The following PSMC2 variants were observed in gnomAD, a reference collection of about 807,000 sequenced individuals.
PSMC2 encodes the protein proteasome 26S subunit, ATPase 2, also known as 26S proteasome regulatory subunit 7.
PSMC2 carries 7 observed loss-of-function variants against 53.3 expected under a neutral mutation model. That is an observed-to-expected ratio of 0.13 (90% CI 0.07 to 0.25). The LOEUF (loss-of-function observed/expected upper bound fraction) is 0.25, where lower values mean the gene tolerates loss of function less well. Ranked by LOEUF, PSMC2 falls within the 10% of genes least tolerant of loss-of-function variation. PSMC2 has a pLI of 1.00. For missense variants in PSMC2, 241 were observed against 544.0 expected, an observed-to-expected ratio of 0.44 and a Z score of 5.54; for synonymous variants, 169 against 183.9, an observed-to-expected ratio of 0.92 and a Z score of 0.66.
chr7:103,361,921 G>T (rs1820436885), intron 4 of PSMC2, 36 bp from the exon 5 acceptor site: 6 of 1,580,600 alleles, frequency 3.8e-6, no homozygotes, highest in Non-Finnish European at 5.1e-6. Flanking sequence ...TAGTGGCTTA[G>T]GTTCCTTATT....
chr7:103,365,572 T>G (rs919139602), intron 8 of PSMC2, among the ~76,000 whole-genome samples: 2 of 152,156 alleles, frequency 1.3e-5, no homozygotes, highest in Admixed American at 6.5e-5. Context: ...AAGGTTGCAC[T>G]GAGCCAAGAT....
intron 3 of PSMC2, 54 bp from the exon 4 acceptor site, chr7:103,355,637 CTTA>C (rs1159079222): frequency 7.6e-7 from 1 of 1,317,394 alleles, no homozygotes; most frequent in Non-Finnish European, 1.1e-6. Context: ...GTTTAGAAAG[CTTA>C]TTATAGGGTG....
intron 2 of PSMC2, 103 bp from the exon 3 acceptor site, chr7:103,354,765 A>G (rs1417290340): frequency 2.8e-6 from 2 of 712,332 alleles, no homozygotes; most frequent in Admixed American, 5.0e-5. Flanking sequence ...GCTTTGGGAT[A>G]ATGATAGCTA....
chr7:103,368,952 GT>G lies in PSMC2; in HGVS notation c.*899del, dbSNP rs1455610007. 9.9e-5 allele frequency: 15 copies of G among 152,068 alleles called. No individual in the cohort carries two copies. The highest frequency in any genetic ancestry group is 3.6e-4 in the African/African-American group (15 of 41,414). 9.4% of individuals were successfully genotyped at this position (152,068 alleles called of 1,614,324 possible). A position where few individuals can be genotyped will look rare whatever the true frequency, so the allele number is the denominator to read the frequency against. On this transcript the variant is annotated 3_prime_UTR_variant, in exon 12 of 12. Coordinates refer to ENST00000292644, the MANE Select transcript of PSMC2 (RefSeq NM_002803.4). ...ACATCTCTTTAAAATTACCTCCTGTGTAACCACCACCAAATCCTATCTTCTA... is the reference window on the plus strand; with the variant it reads ...ACATCTCTTTAAAATTACCTCCTGTGAACCACCACCAAATCCTATCTTCTA...
chr7:103,361,947 G>T lies in PSMC2; in HGVS notation c.291-10G>T. 1 of 1,591,814 alleles carries T rather than the reference G, an allele frequency of 6.3e-7. No homozygotes were observed. Among genetic ancestry groups the T allele is most frequent in the African/African-American group, 1.4e-5 (1 of 73,308 alleles). ...GTTCCTTATTCTAATCAAGCTTTTT[G>T]CTGTGTTAGGTGTACAAAGATAATC... On this transcript the variant is annotated splice_polypyrimidine_tract_variant and intron_variant, in intron 4 of 11. Coordinates refer to ENST00000292644, the MANE Select transcript of PSMC2 (RefSeq NM_002803.4).
intron 4 of PSMC2, among the ~76,000 whole-genome samples, chr7:103,360,835 G>A (rs1466891015): frequency 6.6e-6 from 1 of 152,226 alleles, no homozygotes. Flanking sequence ...CTACTGGCCG[G>A]GTGCAATGGC....
chr7:103,355,014 A>C, intron 3 of PSMC2, 65 bp downstream of exon 3: 4 of 1,082,092 alleles, frequency 3.7e-6, no homozygotes, highest in Non-Finnish European at 5.6e-6. Flanking sequence ...TCAAGAGTTT[A>C]AATACAGATT....
At chr7:103,364,979 A>G (rs1586172603) in intron 8 of PSMC2, among the ~76,000 whole-genome samples, 2 of 145,788 alleles carry the variant, frequency 1.4e-5, no homozygotes, top group East Asian at 4.0e-4. Context: ...ATATATATAT[A>G]TATATTTAGA....
Position 103,362,775 on chromosome 7 carries a change from G to C in PSMC2, c.495+17G>C. On this transcript the variant is annotated intron_variant, in intron 6 of 11. Transcript: ENST00000292644. Reference sequence around the variant, plus strand: ...ATGATGCAGGTAAGAAACTATGGGAGGGAAAAGGAAGGCTATGTCTTTTTT... The same window carrying C: ...ATGATGCAGGTAAGAAACTATGGGACGGAAAAGGAAGGCTATGTCTTTTTT... 1 of 1,512,364 alleles carries C rather than the reference G, an allele frequency of 6.6e-7. No individual in the cohort carries two copies. The highest frequency in any genetic ancestry group is 9.1e-7 in the Non-Finnish European group (1 of 1,096,614). 93.7% of individuals were successfully genotyped at this position (1,512,364 alleles called of 1,614,324 possible).
intron 8 of PSMC2, among the ~76,000 whole-genome samples, chr7:103,364,854 A>C (rs1006046224): frequency 2.0e-5 from 3 of 151,822 alleles, no homozygotes; most frequent in African/African-American, 7.3e-5. Context: ...TTCTACGGAA[A>C]TGCCTGGTAA....
intron 1 of PSMC2, chr7:103,348,568 G>A (rs1483611046): frequency 2.4e-6 from 2 of 829,244 alleles, no homozygotes; most frequent in Non-Finnish European, 4.2e-6. Context: ...AAAACAATGA[G>A]TACCTTTTAC....
intron 8 of PSMC2, among the ~76,000 whole-genome samples, chr7:103,365,282 A>G (rs1820651208): frequency 6.6e-6 from 1 of 152,120 alleles, no homozygotes; most frequent in African/African-American, 2.4e-5. Flanking sequence ...TTAATATTTT[A>G]AGGCTGGCAA....
Position 103,367,784 on chromosome 7 carries a change from A to C in PSMC2, c.1119A>C (p.Leu373Phe). 3.1e-6 allele frequency: 5 copies of C among 1,613,912 alleles called. No homozygotes were observed. The highest frequency in any genetic ancestry group is 4.2e-6 in the Non-Finnish European group (5 of 1,179,812). ...AAAGAGATATCAGATTTGAACTGTT[A>C]GCACGACTGTGTCCAAATAGCACTG... ...SVERDIRFELLARLCPNSTGA... is the reference protein window; with the variant it reads ...SVERDIRFELFARLCPNSTGA... The change falls in exon 11 of 12, where the codon TTA becomes TTC. Residue 373 changes from leucine to phenylalanine, a missense_variant. Leu to Phe is a conservative substitution (Grantham distance 22). Coordinates refer to ENST00000292644, the MANE Select transcript of PSMC2 (RefSeq NM_002803.4). This position sits in a 1 kb window ranked among gnomAD's most constrained non-coding sequence, Gnocchi z 6.1.
In PSMC2 at chr7:103,358,566, G is replaced by GTT. The variant is rs572571768; in HGVS notation, c.290+2779_290+2780dup. Reference sequence around the variant, plus strand: ...TTTATCTTTGAATTTTTCTGTTGATGTTTTTTTCCTCCCATTTTTCTTCTC... The same window carrying GTT: ...TTTATCTTTGAATTTTTCTGTTGATGTTTTTTTTTCCTCCCATTTTTCTTCTC... On this transcript the variant is annotated intron_variant, in intron 4 of 11. Transcript: ENST00000292644. 1.9e-3 allele frequency among the ~76,000 whole-genome samples: 288 copies of GTT among 151,594 alleles called. 3 individuals are homozygous for GTT. Among genetic ancestry groups the GTT allele is most frequent in the African/African-American group, 6.7e-3 (279 of 41,370 alleles).
Position 103,367,793 on chromosome 7 carries a change from G to C in PSMC2, c.1128G>C (p.Leu376=), listed in dbSNP as rs776396846. 1 of 1,613,700 alleles carries C rather than the reference G, an allele frequency of 6.2e-7. No homozygotes were observed. Among genetic ancestry groups the C allele is most frequent in the South Asian group, 1.1e-5 (1 of 91,046 alleles). Residue 376 remains leucine (L), a synonymous_variant, in exon 11 of 12, where the codon CTG becomes CTC. Transcript: ENST00000292644. This position sits in a 1 kb window ranked among gnomAD's most constrained non-coding sequence, Gnocchi z 6.1. ...TCAGATTTGAACTGTTAGCACGACT[G>C]TGTCCAAATAGCACTGGTAAGTAGA... ...RDIRFELLAR[L]CPNSTGAEIR...
intron 4 of PSMC2, among the ~76,000 whole-genome samples, chr7:103,360,318 G>C (rs1338284080): frequency 1.3e-5 from 2 of 152,064 alleles, no homozygotes; most frequent in Non-Finnish European, 2.9e-5. Context: ...TATTATTGCT[G>C]TTTGTTGTTC....
At chr7:103,362,626 C>T (rs1466822570) in intron 5 of PSMC2, 60 bp from the exon 6 acceptor site, 12 of 1,510,230 alleles carry the variant, frequency 7.9e-6, no homozygotes, top group Admixed American at 3.4e-5. Flanking sequence ...AAGGACTAAA[C>T]ATAAAAGCAC....
chr7:103,359,682 T>C (rs1244504819), intron 4 of PSMC2, among the ~76,000 whole-genome samples: 1 of 152,246 alleles, frequency 6.6e-6, no homozygotes, highest in African/African-American at 2.4e-5. Flanking sequence ...GTCTAATTTC[T>C]CTATCTGTAT....
intron 4 of PSMC2, among the ~76,000 whole-genome samples, chr7:103,356,145 C>G (rs1820020163): frequency 6.6e-6 from 1 of 151,970 alleles, no homozygotes; most frequent in Non-Finnish European, 1.5e-5. Flanking sequence ...TGCAAAGAAA[C>G]ATATCCTGAT....
Sources: gnomAD v4.1 joint callset for allele counts (sites outside exome capture counted in the v4.1 genomes callset) on GRCh38, gnomAD v4.1.1 for gene constraint, Gnocchi (gnomAD v3.1) non-coding constraint, MANE v1.5 for transcripts, NCBI Gene and HGNC (gene_info 2026-07-23, HGNC 2026-07-21) for gene names.